COPS3: variants seen among roughly 807,000 people sequenced by gnomAD.
The protein encoded by COPS3 is COP9 signalosome subunit 3.
In COPS3, 10 loss-of-function variants were observed where a neutral mutation model predicts 58.2. That is an observed-to-expected ratio of 0.17 (90% CI 0.11 to 0.29). COPS3 has a LOEUF of 0.29. Ranked by LOEUF, COPS3 falls within the 10% of genes least tolerant of loss-of-function variation. The pLI is 1.00. For synonymous variants in COPS3, 187 were observed against 181.7 expected (o/e 1.03, Z -0.24); for missense variants, 333 against 510.1 (o/e 0.65, Z 3.34).
At chr17:17,252,992 AG>A (rs2047886036) in intron 9 of COPS3, among the ~76,000 whole-genome samples, 1 of 152,214 alleles carries the variant, frequency 6.6e-6, no homozygotes, top group East Asian at 1.9e-4. Context: ...TGGGAGGCCA[AG>A]GTGGGAAGGT....
rs1328025754 is a variant in COPS3, at chr17:17,270,953, C to A, written c.241G>T (p.Val81Phe). 7 of 1,613,822 alleles carry A rather than the reference C, an allele frequency of 4.3e-6. No homozygotes were observed. Among genetic ancestry groups the A allele is most frequent in the Non-Finnish European group, 5.9e-6 (7 of 1,179,988 alleles). Residue 81 changes from valine (V) to phenylalanine (F), a missense_variant, in exon 3 of 12, where the codon GTT becomes TTT. Physicochemically the swap from Val to Phe is conservative, Grantham distance 50. Transcript: ENST00000268717. ...VPDFETLFSQVQLFISTCNGE... is the reference protein window; with the variant it reads ...VPDFETLFSQFQLFISTCNGE... ...TTACAAGTGCTGATGAAGAGCTGAA[C>A]CTGTGAGAATAGCGTTTCGAAGTCA...
chr17:17,273,439 T>C (rs2048393178), intron 2 of COPS3, among the ~76,000 whole-genome samples: 1 of 152,178 alleles, frequency 6.6e-6, no homozygotes, highest in Non-Finnish European at 1.5e-5. Context: ...TGTCTGTATT[T>C]TCTTATTTAT....
At chr17:17,262,268 T>C (rs1047000534) in intron 6 of COPS3, among the ~76,000 whole-genome samples, 162 bp from the exon 7 acceptor site, 1 of 152,166 alleles carries the variant, frequency 6.6e-6, no homozygotes, top group East Asian at 1.9e-4. Context: ...TTTTTATTTA[T>C]GCATTTTTTA....
chr17:17,269,671 A>AT (rs1475537533), intron 4 of COPS3, among the ~76,000 whole-genome samples: 1 of 152,224 alleles, frequency 6.6e-6, no homozygotes, highest in Non-Finnish European at 1.5e-5. Context: ...AAAGAATGAA[A>AT]TAACTGTTCA....
In COPS3 at chr17:17,271,100, T is replaced by C; in HGVS notation, c.186-92A>G. On this transcript the variant is annotated intron_variant, in intron 2 of 11. Transcript: ENST00000268717. ...TGCAAGAAATCCATCCTGCCTCCAA[T>C]ACTCTGTAAAATTAAATGAGCAACA... The C allele has an allele frequency of 9.2e-6, 8 of 869,566 alleles. No individual in the cohort carries two copies. In the South Asian group the frequency reaches 1.2e-4, roughly 13 times the overall value. The allele number at this position is 869,566 out of a possible 1,614,324, so 53.9% of individuals were successfully genotyped here. A position where few individuals can be genotyped will look rare whatever the true frequency, so the allele number is the denominator to read the frequency against.
chr17:17,279,431 T>G (rs1048005888), intron 1 of COPS3, among the ~76,000 whole-genome samples: 3 of 152,180 alleles, frequency 2.0e-5, no homozygotes, highest in Non-Finnish European at 2.9e-5. Flanking sequence ...ACACTAAGTA[T>G]TTGTCGAATA....
At position 17,246,627 on chromosome 17, in the gene COPS3, CCTTT is replaced by C. The variant is rs200408683; in HGVS notation, c.*467_*470del. On this transcript the variant is annotated 3_prime_UTR_variant, in exon 12 of 12. Transcript: ENST00000268717. The stretch of plus-strand genomic sequence containing the variant: ...GGTGTGAGCCACTGTGTCTGTCTGG[CCTTT>C]CTTTTCTTTTATTTTCTGAAGACAA... Among the ~76,000 whole-genome samples the C allele has an allele frequency of 7.4e-3, 1,129 of 152,024 alleles. 8 individuals are homozygous for C. Among genetic ancestry groups the C allele is most frequent in the Middle Eastern group, 0.041 (12 of 294 alleles).
At chr17:17,264,740 T>C in intron 6 of COPS3, 62 bp downstream of exon 6, 1 of 1,421,820 alleles carries the variant, frequency 7.0e-7, no homozygotes, top group Non-Finnish European at 9.5e-7. Flanking sequence ...CACAAACCTA[T>C]GGGAGCACTT....
At chr17:17,280,895 G>C in intron 1 of COPS3, 1 of 958,318 alleles carries the variant, frequency 1.0e-6, no homozygotes, top group Non-Finnish European at 1.5e-6. Context: ...GGGGGAGGGG[G>C]CTCCCGGCGG....
chr17:17,258,354 A>G (rs2048023546), intron 8 of COPS3, among the ~76,000 whole-genome samples: 1 of 152,174 alleles, frequency 6.6e-6, no homozygotes, highest in African/African-American at 2.4e-5. Context: ...ACTGGAGTGC[A>G]GTGGTGCAAT....
At chr17:17,253,322 C>T (rs2047892452) in intron 9 of COPS3, among the ~76,000 whole-genome samples, 1 of 152,164 alleles carries the variant, frequency 6.6e-6, no homozygotes, top group Non-Finnish European at 1.5e-5. Flanking sequence ...CACAGGTTTT[C>T]AGTGAACTAA....
intron 8 of COPS3, among the ~76,000 whole-genome samples, chr17:17,255,598 G>A (rs1781823698): frequency 6.6e-6 from 1 of 151,778 alleles, no homozygotes; most frequent in South Asian, 2.1e-4. Flanking sequence ...CCACCACTTT[G>A]GGAGGCCGAG....
intron 8 of COPS3, among the ~76,000 whole-genome samples, chr17:17,259,755 G>A (rs1404077317): frequency 2.0e-5 from 3 of 152,196 alleles, no homozygotes; most frequent in Middle Eastern, 3.4e-3. Flanking sequence ...TTAGCTGGGC[G>A]TGGTGGCTCA....
rs1262067848 is a variant in COPS3, at chr17:17,246,695, G to A, written c.*403C>T. 5.8e-6 allele frequency: 1 copy of A among 171,080 alleles called. No homozygotes were observed. The highest frequency in any genetic ancestry group is 2.4e-5 in the African/African-American group (1 of 41,736). 10.6% of individuals were successfully genotyped at this position (171,080 alleles called of 1,614,324 possible). ...TAGATTTTTTTGTAGATACAAATTT[G>A]TCAATAAATAAAAACCTTTCAGATC... On this transcript the variant is annotated 3_prime_UTR_variant, in exon 12 of 12. Coordinates refer to ENST00000268717, the MANE Select transcript of COPS3 (RefSeq NM_003653.4).
chr17:17,266,972 T>G (rs1019792384), intron 5 of COPS3, among the ~76,000 whole-genome samples: 6 of 150,978 alleles, frequency 4.0e-5, no homozygotes, highest in Admixed American at 3.3e-4. Flanking sequence ...CCTCCCAAAG[T>G]GTTGGGATTA....
At position 17,276,025 on chromosome 17, in the gene COPS3, T is replaced by C; in HGVS notation, c.185+10A>G. On this transcript the variant is annotated intron_variant, in intron 2 of 11. Transcript: ENST00000268717. Reference sequence around the variant, plus strand: ...ACAAGCACAGAACTATAAAAGAAGATGCTCCTTACAAAACAGCAAGGACGC... The same window carrying C: ...ACAAGCACAGAACTATAAAAGAAGACGCTCCTTACAAAACAGCAAGGACGC... 1 of 1,611,888 alleles carries C rather than the reference T, an allele frequency of 6.2e-7. No homozygotes were observed. Among genetic ancestry groups the C allele is most frequent in the Non-Finnish European group, 8.5e-7 (1 of 1,178,566 alleles).
chr17:17,252,472 A>AGATAACG (rs1476105581), intron 9 of COPS3, among the ~76,000 whole-genome samples: 17 of 151,586 alleles, frequency 1.1e-4, no homozygotes, highest in Non-Finnish European at 1.8e-4. Flanking sequence ...TGTCCTGGGC[A>AGATAACG]CTGCAGGACG....
Position 17,261,955 on chromosome 17 carries a change from A to G in COPS3, c.762+11T>C, listed in dbSNP as rs2048110847. The G allele has an allele frequency of 6.4e-7, 1 of 1,572,104 alleles. No individual in the cohort carries two copies. The highest frequency in any genetic ancestry group is 2.0e-5 in the Admixed American group (1 of 50,952). On this transcript the variant is annotated intron_variant, in intron 7 of 11. Coordinates refer to ENST00000268717, the MANE Select transcript of COPS3 (RefSeq NM_003653.4). ...CTCACGTAAGAAATCAGTTTTATGT[A>G]AAAAACTTACCTTAATGAATCTACC... is the stretch of plus-strand genomic sequence containing the variant.
intron 8 of COPS3, among the ~76,000 whole-genome samples, chr17:17,255,290 ACT>A (rs1204437944): frequency 6.7e-6 from 1 of 149,214 alleles, no homozygotes; most frequent in East Asian, 2.0e-4. Context: ...ACAAAGTGAG[ACT>A]CTGTCTCAAA....
Sources: gnomAD v4.1 joint callset for allele counts (sites outside exome capture counted in the v4.1 genomes callset) on GRCh38, gnomAD v4.1.1 for gene constraint, MANE v1.5 for transcripts, NCBI Gene and HGNC (gene_info 2026-07-23, HGNC 2026-07-21) for gene names.